SLC25A21: variants seen among roughly 807,000 people sequenced by gnomAD.
SLC25A21 encodes the protein solute carrier family 25 member 21.
In SLC25A21, 47 loss-of-function variants were observed where a neutral mutation model predicts 43.8. The observed-to-expected ratio is 1.07, with a 90% confidence interval of 0.85 to 1.37. The LOEUF (loss-of-function observed/expected upper bound fraction) is 1.37, where lower values mean the gene tolerates loss of function less well. Among genes scored for constraint, SLC25A21 ranks in the 40% most tolerant of loss-of-function variants. SLC25A21 has a pLI of 0.00. For missense variants in SLC25A21, 352 were observed against 350.2 expected, an observed-to-expected ratio of 1.00 and a Z score of -0.04; for synonymous variants, 131 against 121.3, an observed-to-expected ratio of 1.08 and a Z score of -0.52.
chr14:36,809,091 T>C (rs965900204), intron 3 of SLC25A21: 1 of 152,114 alleles, frequency 6.6e-6, no homozygotes, highest in Non-Finnish European at 1.5e-5. Flanking sequence ...ACATGGTAAA[T>C]AGAGATATCT....
chr14:37,142,041 C>A (rs1053950936), intron 1 of SLC25A21, among the ~76,000 whole-genome samples: 1 of 152,182 alleles, frequency 6.6e-6, no homozygotes, highest in Non-Finnish European at 1.5e-5. Flanking sequence ...AGGCTGAGAA[C>A]CATGGCTCTG....
intron 2 of SLC25A21, among the ~76,000 whole-genome samples, chr14:36,848,937 C>T (rs1461551125): frequency 6.6e-6 from 1 of 152,160 alleles, no homozygotes; most frequent in Non-Finnish European, 1.5e-5. Flanking sequence ...AAAATTCTGA[C>T]TTTCCATCTC....
intron 3 of SLC25A21, among the ~76,000 whole-genome samples, chr14:36,766,043 A>G (rs1459382718): frequency 6.9e-6 from 1 of 144,946 alleles, no homozygotes; most frequent in African/African-American, 2.6e-5. Flanking sequence ...TTTTTTTTTG[A>G]GTGAAATATC....
At chr14:36,787,430 C>T (rs1481949042) in intron 3 of SLC25A21, among the ~76,000 whole-genome samples, 3 of 152,174 alleles carry the variant, frequency 2.0e-5, no homozygotes, top group Admixed American at 6.5e-5. Context: ...TAGAATGAAA[C>T]GCCAATGGTT....
intron 1 of SLC25A21, among the ~76,000 whole-genome samples, chr14:36,930,534 T>A (rs1160118903): frequency 6.6e-6 from 1 of 152,108 alleles, no homozygotes; most frequent in Non-Finnish European, 1.5e-5. Flanking sequence ...CTTATATCGA[T>A]CTGTAACTTC....
At chr14:36,975,636 C>G (rs1354010635) in intron 1 of SLC25A21, among the ~76,000 whole-genome samples, 2 of 152,122 alleles carry the variant, frequency 1.3e-5, no homozygotes, top group African/African-American at 4.8e-5. Flanking sequence ...GAGGAATCAC[C>G]TAGAAAAAGG....
At chr14:36,789,050 GTATTT>G (rs1341569300) in intron 3 of SLC25A21, among the ~76,000 whole-genome samples, 2 of 152,048 alleles carry the variant, frequency 1.3e-5, no homozygotes, top group Admixed American at 1.3e-4. Flanking sequence ...TGTTGTTTTT[GTATTT>G]TATTTCAATT....
At chr14:36,947,863 G>A (rs1892712913) in intron 1 of SLC25A21, among the ~76,000 whole-genome samples, 1 of 152,078 alleles carries the variant, frequency 6.6e-6, no homozygotes, top group Admixed American at 6.6e-5. Context: ...TTAAGACCTA[G>A]AGGTATTGCA....
chr14:36,695,928 G>A (rs182175276), intron 7 of SLC25A21, among the ~76,000 whole-genome samples: 2 of 152,290 alleles, frequency 1.3e-5, no homozygotes, highest in East Asian at 3.9e-4. Context: ...GCCCTGGTCA[G>A]AACTTCCAAC....
chr14:36,846,350 C>T (rs1242557438), intron 2 of SLC25A21, among the ~76,000 whole-genome samples: 2 of 152,098 alleles, frequency 1.3e-5, no homozygotes, highest in African/African-American at 2.4e-5. Flanking sequence ...GCTTAGAAAC[C>T]CATCATCATT....
At chr14:36,833,229 A>T (rs1889096516) in intron 2 of SLC25A21, among the ~76,000 whole-genome samples, 1 of 152,234 alleles carries the variant, frequency 6.6e-6, no homozygotes, top group South Asian at 2.1e-4. Context: ...AGGACATAGG[A>T]TATACCAACT....
chr14:36,741,900 T>C (rs1206805784), intron 3 of SLC25A21, among the ~76,000 whole-genome samples: 1 of 152,246 alleles, frequency 6.6e-6, no homozygotes, highest in Non-Finnish European at 1.5e-5. Flanking sequence ...TACTACATTT[T>C]ATTTTGTTTC....
At chr14:36,792,500 G>T (rs1364711933) in intron 3 of SLC25A21, among the ~76,000 whole-genome samples, 2 of 152,056 alleles carry the variant, frequency 1.3e-5, no homozygotes, top group African/African-American at 2.4e-5. Context: ...TGAAAATGTT[G>T]GACCAAGTAT....
intron 2 of SLC25A21, among the ~76,000 whole-genome samples, chr14:36,855,027 T>C (rs748531862): frequency 5.3e-5 from 8 of 151,824 alleles, no homozygotes; most frequent in Admixed American, 2.0e-4. Flanking sequence ...TGTGAAAAAT[T>C]TTTAAAAAAT....
At chr14:36,881,224 T>A (rs1009975831) in intron 1 of SLC25A21, among the ~76,000 whole-genome samples, 1 of 152,194 alleles carries the variant, frequency 6.6e-6, no homozygotes, top group Non-Finnish European at 1.5e-5. Flanking sequence ...ACACAGATAA[T>A]CATTTAAAAT....
intron 1 of SLC25A21, among the ~76,000 whole-genome samples, chr14:36,910,954 G>T (rs1169536649): frequency 6.6e-6 from 1 of 152,134 alleles, no homozygotes; most frequent in Non-Finnish European, 1.5e-5. Context: ...CCTATGTATT[G>T]TGATAAAAAA....
intron 1 of SLC25A21, 151 bp downstream of exon 1, chr14:37,172,130 C>T: frequency 1.3e-6 from 1 of 797,084 alleles, no homozygotes; most frequent in African/African-American, 1.8e-5. Context: ...TCTGCTCTCG[C>T]GCCTCTAGGG....
chr14:37,139,701 T>C (rs1219660616), intron 1 of SLC25A21, among the ~76,000 whole-genome samples: 3 of 152,154 alleles, frequency 2.0e-5, no homozygotes, highest in Non-Finnish European at 4.4e-5. Context: ...CGCTTTAAAA[T>C]AAAAGAATGT....
chr14:36,971,312 G>A (rs1222474319), intron 1 of SLC25A21, among the ~76,000 whole-genome samples: 5 of 152,148 alleles, frequency 3.3e-5, no homozygotes, highest in Admixed American at 1.3e-4. Context: ...TTGCACAGGT[G>A]AATGCCAGCA....
Sources: allele counts gnomAD v4.1 joint callset (sites outside exome capture counted in the v4.1 genomes callset), GRCh38; gene constraint gnomAD v4.1.1; transcripts MANE v1.5; gene names NCBI Gene and HGNC (gene_info 2026-07-23, HGNC 2026-07-21).